LMBRD2: variants seen among roughly 807,000 people sequenced by gnomAD.
The protein encoded by LMBRD2 is LMBR1 domain containing 2, also known as G protein-coupled receptor-associated protein LMBRD2.
Under a neutral mutation model 94.4 loss-of-function variants are expected in LMBRD2, and 55 were observed. The ratio of observed to expected loss-of-function variants is 0.58; its 90% CI spans 0.47 to 0.73. The LOEUF (loss-of-function observed/expected upper bound fraction) is 0.73. Ranked by LOEUF, LMBRD2 falls within the 30% of genes least tolerant of loss-of-function variation. LMBRD2 has a pLI of 0.00. For synonymous variants in LMBRD2, 246 were observed against 272.4 expected (o/e 0.90, Z 0.95); for missense variants, 640 against 831.9 (o/e 0.77, Z 2.84).
intron 6 of LMBRD2, among the ~76,000 whole-genome samples, chr5:36,131,465 A>C (rs1461625229): frequency 6.6e-6 from 1 of 152,156 alleles, no homozygotes; most frequent in Non-Finnish European, 1.5e-5. Flanking sequence ...TATTCAATAT[A>C]GTACTGGAAG....
intron 6 of LMBRD2, among the ~76,000 whole-genome samples, chr5:36,131,491 T>A (rs1026086992): frequency 1.3e-5 from 2 of 151,880 alleles, no homozygotes; most frequent in African/African-American, 4.8e-5. Flanking sequence ...GGTAAAGCAA[T>A]CAGACAAGAG....
intron 6 of LMBRD2, among the ~76,000 whole-genome samples, chr5:36,125,455 C>A (rs985172567): frequency 1.3e-5 from 2 of 152,048 alleles, no homozygotes; most frequent in African/African-American, 4.8e-5. Context: ...TGAGCTCTTA[C>A]AAATCAACAG....
chr5:36,122,507 A>G (rs1743910565), intron 8 of LMBRD2, 44 bp from the exon 9 acceptor site: 3 of 1,513,512 alleles, frequency 2.0e-6, no homozygotes, highest in South Asian at 2.4e-5. Flanking sequence ...TTCTGATCCA[A>G]CAGTGGTTCA....
At position 36,100,231 on chromosome 5, in the gene LMBRD2, A is replaced by C. The variant is rs556424376; in HGVS notation, c.*3815T>G. 2 of 152,094 alleles carry C rather than the reference A, an allele frequency of 1.3e-5. No homozygotes were observed. The highest frequency in any genetic ancestry group is 1.5e-5 in the Non-Finnish European group (1 of 68,004). The allele number at this position is 152,094 out of a possible 1,614,324, so 9.4% of individuals were successfully genotyped here. A position where few individuals can be genotyped will look rare whatever the true frequency, so the allele number is the denominator to read the frequency against. On this transcript the variant is annotated 3_prime_UTR_variant, in exon 18 of 18. Coordinates refer to ENST00000296603, the MANE Select transcript of LMBRD2 (RefSeq NM_001007527.2). The stretch of plus-strand genomic sequence containing the variant: ...AAATAAATCTTAAATTTTGGGGGGG[A>C]AATCTATTTTTATGTAAAAATATTA...
intron 12 of LMBRD2, among the ~76,000 whole-genome samples, 178 bp from the exon 13 acceptor site, chr5:36,114,699 C>G (rs1743698012): frequency 6.6e-6 from 1 of 151,878 alleles, no homozygotes; most frequent in Admixed American, 6.6e-5. Context: ...GAGGTTTTCT[C>G]TTAAAGAAAA....
intron 10 of LMBRD2, 128 bp downstream of exon 10, chr5:36,117,607 A>G: frequency 3.6e-6 from 2 of 555,900 alleles, no homozygotes; most frequent in Admixed American, 3.9e-5. Flanking sequence ...CATTTCTGGA[A>G]GTTTGAATAA....
Position 36,117,805 on chromosome 5 carries a change from G to C in LMBRD2, c.1232C>G (p.Thr411Ser). ...GACCGCAAAGAGGGATAAGACAGGA[G>C]TAGTGCTAAAGAATGTGCACTCTGA... ...VWSECTFFSTTPVLSLFAVFI... is the reference protein window; with the variant it reads ...VWSECTFFSTSPVLSLFAVFI... The change falls in exon 10 of 18, where the codon ACT becomes AGT. Residue 411 changes from threonine to serine, a missense_variant. This residue lies in a region of LMBRD2 where 457 missense variants were observed against 642.8 expected (regional missense o/e 0.71). Transcript: ENST00000296603. 6.2e-7 allele frequency: 1 copy of C among 1,613,584 alleles called. No homozygotes were observed. The highest frequency in any genetic ancestry group is 8.5e-7 in the Non-Finnish European group (1 of 1,179,558).
chr5:36,116,004 A>G (rs1056846694), intron 11 of LMBRD2, among the ~76,000 whole-genome samples: 4 of 152,222 alleles, frequency 2.6e-5, no homozygotes, highest in African/African-American at 9.6e-5. Flanking sequence ...TCATTTAACA[A>G]TAAGAACAGG....
At chr5:36,115,171 C>T (rs1431643542) in intron 11 of LMBRD2, 51 bp from the exon 12 acceptor site, 3 of 1,089,994 alleles carry the variant, frequency 2.8e-6, no homozygotes. Flanking sequence ...CAGCAAAATA[C>T]ATTTTATAGT....
chr5:36,134,888 G>A (rs1185645656), intron 6 of LMBRD2, among the ~76,000 whole-genome samples: 1 of 152,122 alleles, frequency 6.6e-6, no homozygotes, highest in East Asian at 1.9e-4. Flanking sequence ...GCTGAAGAGA[G>A]TGCTGAAAAG....
chr5:36,112,654 C>T (rs146075265), intron 13 of LMBRD2, among the ~76,000 whole-genome samples: 1 of 152,094 alleles, frequency 6.6e-6, no homozygotes, highest in African/African-American at 2.4e-5. Context: ...TAGAAAGACA[C>T]TTTTAATGAT....
chr5:36,134,002 CAAACTT>C (rs200936194), intron 6 of LMBRD2, among the ~76,000 whole-genome samples: 2,207 of 152,134 alleles, frequency 0.015, 54 homozygotes, highest in African/African-American at 0.051. Flanking sequence ...GGAACGCTAT[CAAACTT>C]AAACTTAAAT....
At position 36,143,157 on chromosome 5, in the gene LMBRD2, A is replaced by T. The variant is rs1480967798; in HGVS notation, c.174+19T>A. On this transcript the variant is annotated intron_variant, in intron 2 of 17. Transcript: ENST00000296603. ...TAAAATTTGTCTTTTAAATTGTGAAAATAAATTTCACTCCTTACCGTACTA... is the reference window on the plus strand; with the variant it reads ...TAAAATTTGTCTTTTAAATTGTGAATATAAATTTCACTCCTTACCGTACTA... 6.5e-7 allele frequency: 1 copy of T among 1,535,110 alleles called. No homozygotes were observed. Among genetic ancestry groups the T allele is most frequent in the African/African-American group, 1.4e-5 (1 of 71,628 alleles).
At chr5:36,124,771 G>A (rs944188723) in intron 6 of LMBRD2, among the ~76,000 whole-genome samples, 36 of 152,010 alleles carry the variant, frequency 2.4e-4, no homozygotes, top group Admixed American at 2.1e-3. Flanking sequence ...ATCTACTGGC[G>A]GGCGCAGTGG....
At chr5:36,149,101 T>G (rs933452995) in intron 1 of LMBRD2, among the ~76,000 whole-genome samples, 1 of 152,172 alleles carries the variant, frequency 6.6e-6, no homozygotes, top group African/African-American at 2.4e-5. Context: ...TACAATGAAT[T>G]AAAGATCTAC....
intron 6 of LMBRD2, among the ~76,000 whole-genome samples, chr5:36,132,591 A>T (rs1368328143): frequency 6.6e-6 from 1 of 151,508 alleles, no homozygotes; most frequent in Admixed American, 6.6e-5. Flanking sequence ...AGAATATATA[A>T]GGAATTCAAA....
At chr5:36,109,014 G>T (rs905184461) in intron 15 of LMBRD2, among the ~76,000 whole-genome samples, 1 of 152,062 alleles carries the variant, frequency 6.6e-6, no homozygotes, top group Non-Finnish European at 1.5e-5. Context: ...AAATATTAGA[G>T]AGCCAAAAAG....
intron 12 of LMBRD2, 36 bp from the exon 13 acceptor site, chr5:36,114,557 A>G: frequency 6.7e-7 from 1 of 1,497,740 alleles, no homozygotes; most frequent in Non-Finnish European, 8.8e-7. Context: ...AAATTGGAAT[A>G]GCTCTATAAT....
rs1172921849 is a variant in LMBRD2 at position 36,103,431 on chromosome 5, A to T, written c.*615T>A. ...ACACATGCTAAATACACAGACACGC[A>T]TCACTTGAAGTATAATCTTAATCTT... On this transcript the variant is annotated 3_prime_UTR_variant, in exon 18 of 18. Coordinates refer to ENST00000296603, the MANE Select transcript of LMBRD2 (RefSeq NM_001007527.2). The T allele has an allele frequency of 6.6e-6, 1 of 152,360 alleles. No homozygotes were observed. 9.4% of individuals were successfully genotyped at this position (152,360 alleles called of 1,614,324 possible). A position where few individuals can be genotyped will look rare whatever the true frequency, so the allele number is the denominator to read the frequency against.
Sources: allele counts gnomAD v4.1 joint callset (sites outside exome capture counted in the v4.1 genomes callset), GRCh38; gene constraint gnomAD v4.1.1; regional missense constraint gnomAD v4.1.1; transcripts MANE v1.5; gene names NCBI Gene and HGNC (gene_info 2026-07-23, HGNC 2026-07-21).